SNAPC3: variants seen among roughly 807,000 people sequenced by gnomAD.
SNAPC3 encodes the protein snRNA-activating protein complex subunit 3.
SNAPC3 carries 56 observed loss-of-function variants against 47.7 expected under a neutral mutation model. The observed-to-expected ratio is 1.18, with a 90% confidence interval of 0.95 to 1.47. The LOEUF is 1.47. Ranked by LOEUF, SNAPC3 falls within the 40% of genes most tolerant of loss-of-function variation. The pLI is 0.00. For missense variants in SNAPC3, 665 were observed against 511.3 expected (o/e 1.30, Z -2.90); for synonymous variants, 235 against 189.9 (o/e 1.24, Z -1.95).
At chr9:15,450,863 G>A (rs2034333287) in intron 5 of SNAPC3, among the ~76,000 whole-genome samples, 1 of 152,182 alleles carries the variant, frequency 6.6e-6, no homozygotes, top group Non-Finnish European at 1.5e-5. Context: ...AGTACCTGGG[G>A]CAAGATTGCT....
chr9:15,458,617 T>C (rs1206516043), intron 8 of SNAPC3, among the ~76,000 whole-genome samples: 2 of 152,128 alleles, frequency 1.3e-5, no homozygotes, highest in Non-Finnish European at 2.9e-5. Context: ...TTACTTTATG[T>C]GATTCTACAT....
intron 6 of SNAPC3, among the ~76,000 whole-genome samples, chr9:15,452,106 G>A (rs966381157): frequency 2.0e-5 from 3 of 152,118 alleles, no homozygotes; most frequent in Admixed American, 1.3e-4. Context: ...GGGACTACAG[G>A]TGTGTGCCAT....
chr9:15,446,409 G>C, intron 4 of SNAPC3, among the ~76,000 whole-genome samples: 1 of 152,104 alleles, frequency 6.6e-6, no homozygotes, highest in East Asian at 1.9e-4. Context: ...GTTTTGCTAT[G>C]TTGCCCAGGT....
chr9:15,428,339 A>C (rs111332398), intron 2 of SNAPC3, among the ~76,000 whole-genome samples: 1 of 151,622 alleles, frequency 6.6e-6, no homozygotes, highest in East Asian at 2.0e-4. Context: ...TCCACTCGGA[A>C]ACAGGTAAAG....
intron 7 of SNAPC3, among the ~76,000 whole-genome samples, chr9:15,453,930 A>G (rs2034578789): frequency 6.6e-6 from 1 of 152,192 alleles, no homozygotes; most frequent in African/African-American, 2.4e-5. Context: ...TTAGTAATTT[A>G]TTATACCACT....
intron 5 of SNAPC3, among the ~76,000 whole-genome samples, chr9:15,450,886 G>T (rs1394034237): frequency 6.6e-6 from 1 of 152,166 alleles, no homozygotes; most frequent in Non-Finnish European, 1.5e-5. Flanking sequence ...AGTAAAAATA[G>T]AAATTCAGAT....
chr9:15,427,467 G>C (rs1465348783), intron 2 of SNAPC3, among the ~76,000 whole-genome samples: 1 of 152,148 alleles, frequency 6.6e-6, no homozygotes, highest in Admixed American at 6.5e-5. Flanking sequence ...TTCTGCCTCA[G>C]CCTCCCAAGT....
chr9:15,463,213 CTCTTTT>C (rs1376355349), downstream of SNAPC3: 4 of 105,106 alleles, frequency 3.8e-5, no homozygotes, highest in Non-Finnish European at 7.2e-5. Flanking sequence ...CATGGTATGA[CTCTTTT>C]TTTTTTTTTT....
In SNAPC3 at chr9:15,430,297, T is replaced by A. The variant is rs868076539; in HGVS notation, c.393-3255T>A. 6.6e-5 allele frequency among the ~76,000 whole-genome samples: 10 copies of A among 152,194 alleles called. No homozygotes were observed. In the Middle Eastern group the frequency reaches 0.01, roughly 155 times the overall value. On this transcript the variant is annotated intron_variant, in intron 2 of 8. Transcript: ENST00000380821. ...AATAAAAACAATTAGCCAGCTGTGG[T>A]GGCACACACCTGTGCTCCCAGCTAC...
chr9:15,453,003 G>C, intron 6 of SNAPC3, 38 bp from the exon 7 acceptor site: 4 of 1,526,520 alleles, frequency 2.6e-6, no homozygotes, highest in Non-Finnish European at 3.5e-6. Flanking sequence ...TTAAGTTTTT[G>C]TGGAAAAATG....
chr9:15,465,551 A>G (rs2035563602), downstream of SNAPC3: 2 of 1,585,812 alleles, frequency 1.3e-6, no homozygotes, highest in Admixed American at 1.7e-5. Context: ...CTTCAGAGAT[A>G]TTTCAGTCTC....
At chr9:15,448,159 G>T (rs1303970240) in intron 5 of SNAPC3, among the ~76,000 whole-genome samples, 1 of 152,124 alleles carries the variant, frequency 6.6e-6, no homozygotes, top group African/African-American at 2.4e-5. Context: ...GTTTGGACAA[G>T]AACCAACACA....
intron 3 of SNAPC3, among the ~76,000 whole-genome samples, chr9:15,438,652 A>T (rs2033044208): frequency 6.6e-6 from 1 of 152,152 alleles, no homozygotes; most frequent in Admixed American, 6.5e-5. Flanking sequence ...GAGTGTTGTT[A>T]AATTTCCACA....
intron 5 of SNAPC3, among the ~76,000 whole-genome samples, chr9:15,449,549 ATATATATATATATATTTTT>A (rs1408634288): frequency 5.0e-4 from 18 of 36,022 alleles, no homozygotes; most frequent in African/African-American, 1.9e-3. Flanking sequence ...ATATATATAT[ATATATATATATATATTTTT>A]TTTTTTTTTT....
intron 5 of SNAPC3, among the ~76,000 whole-genome samples, chr9:15,449,563 A>ATATT (rs1481688749): frequency 1.3e-4 from 5 of 39,510 alleles, no homozygotes; most frequent in African/African-American, 2.1e-4. Flanking sequence ...ATATATATAT[A>ATATT]TTTTTTTTTT....
At chr9:15,444,493 G>A in intron 3 of SNAPC3, 109 bp from the exon 4 acceptor site, 1 of 656,754 alleles carries the variant, frequency 1.5e-6, no homozygotes, top group East Asian at 2.7e-5. Context: ...ATAATTAGGT[G>A]TCAAACCCAA....
intron 5 of SNAPC3, among the ~76,000 whole-genome samples, chr9:15,449,093 G>A (rs1260533393): frequency 6.6e-6 from 1 of 152,102 alleles, no homozygotes; most frequent in Non-Finnish European, 1.5e-5. Context: ...TACAAGGTGT[G>A]AGCCACCGTG....
chr9:15,446,984 A>G (rs773431950), intron 4 of SNAPC3, 111 bp from the exon 5 acceptor site: 30 of 904,092 alleles, frequency 3.3e-5, no homozygotes, highest in Middle Eastern at 6.2e-4. Flanking sequence ...AGTTATGGGG[A>G]CAATTTAAAA....
chr9:15,434,132 A>C (rs1030523187), intron 3 of SNAPC3, among the ~76,000 whole-genome samples: 2 of 152,168 alleles, frequency 1.3e-5, no homozygotes, highest in African/African-American at 2.4e-5. Context: ...TTTTACTTTT[A>C]TTGTGGTAAA....
Sources: gnomAD v4.1 joint callset for allele counts (sites outside exome capture counted in the v4.1 genomes callset) on GRCh38, gnomAD v4.1.1 for gene constraint, MANE v1.5 for transcripts, NCBI Gene and HGNC (gene_info 2026-07-23, HGNC 2026-07-21) for gene names.